The following LHFPL6 variants were observed in gnomAD, a reference collection of about 807,000 sequenced individuals.
LHFPL6 encodes the protein LHFPL tetraspan subfamily member 6.
A neutral mutation model predicts 20.6 loss-of-function variants in LHFPL6; 9 were observed. The observed-to-expected ratio is 0.44, with a 90% CI of 0.26 to 0.76. The LOEUF (loss-of-function observed/expected upper bound fraction) is 0.76. Among genes scored for constraint, LHFPL6 ranks in the 30% least tolerant of loss-of-function variants. LHFPL6 has a pLI of 0.20. For synonymous variants in LHFPL6, 105 were observed against 98.7 expected (o/e 1.06, Z -0.38); for missense variants, 218 against 253.5 (o/e 0.86, Z 0.95).
intron 2 of LHFPL6, among the ~76,000 whole-genome samples, chr13:39,441,683 C>T (rs1872138647): frequency 6.6e-6 from 1 of 151,222 alleles, no homozygotes; most frequent in Admixed American, 6.6e-5. Context: ...CAGCTAATTA[C>T]TGTATTTTTT....
chr13:39,544,109 G>A (rs1870898266), intron 2 of LHFPL6, among the ~76,000 whole-genome samples: 1 of 152,092 alleles, frequency 6.6e-6, no homozygotes, highest in Non-Finnish European at 1.5e-5. Flanking sequence ...GAAAATGAAG[G>A]AAAATAATAT....
At chr13:39,498,246 G>A (rs188952049) in intron 2 of LHFPL6, among the ~76,000 whole-genome samples, 8 of 152,244 alleles carry the variant, frequency 5.3e-5, no homozygotes, top group Admixed American at 4.6e-4. Context: ...CCCTAAGACC[G>A]GACTTACCCC....
At chr13:39,394,082 A>T (rs1870777467) in intron 2 of LHFPL6, among the ~76,000 whole-genome samples, 5 of 152,186 alleles carry the variant, frequency 3.3e-5, no homozygotes, top group South Asian at 2.1e-4. Flanking sequence ...CTGGGACTAC[A>T]GGCATACGCC....
intron 2 of LHFPL6, among the ~76,000 whole-genome samples, chr13:39,569,570 A>G (rs1871848372): frequency 6.6e-6 from 1 of 152,236 alleles, no homozygotes; most frequent in Non-Finnish European, 1.5e-5. Context: ...CTATATCACC[A>G]AGAATAAACG....
chr13:39,491,339 C>T lies in LHFPL6; in HGVS notation c.385+109493G>A, dbSNP rs113254587. Among the ~76,000 whole-genome samples the T allele has an allele frequency of 3.0e-4, 45 of 152,236 alleles. 1 individual carries two copies. Among genetic ancestry groups the T allele is most frequent in the South Asian group, 1.7e-3 (8 of 4,814 alleles). ...AGCTGGGTTCGCGTAAGGGATAACT[C>T]AGAGGCAAGAAAGAGCGGAGGGAGC... On this transcript the variant is annotated intron_variant, in intron 2 of 3. Transcript: ENST00000379589.
intron 2 of LHFPL6, among the ~76,000 whole-genome samples, chr13:39,588,741 C>G (rs573784295): frequency 6.6e-6 from 1 of 152,274 alleles, no homozygotes; most frequent in Non-Finnish European, 1.5e-5. Context: ...AAGGTCACAT[C>G]TTGTAGATAG....
intron 2 of LHFPL6, among the ~76,000 whole-genome samples, chr13:39,467,456 C>T (rs550372818): frequency 2.6e-5 from 4 of 152,216 alleles, no homozygotes; most frequent in East Asian, 3.9e-4. Context: ...TGAAATATGG[C>T]CCTCTGACAT....
chr13:39,478,078 T>C (rs977911177), intron 2 of LHFPL6, among the ~76,000 whole-genome samples: 2 of 152,172 alleles, frequency 1.3e-5, no homozygotes, highest in African/African-American at 4.8e-5. Flanking sequence ...GTCCTCTCAT[T>C]TACAAAATCA....
rs142939262 is a variant in LHFPL6, at chr13:39,351,609, A to G, written c.485-7555T>C. On this transcript the variant is annotated intron_variant, in intron 3 of 3. Transcript: ENST00000379589. ...GACTACATGCTGTTAAAGTGAACTA[A>G]ATATGTCCTGGGAATAACTCTGTAC... 6.6e-3 allele frequency among the ~76,000 whole-genome samples: 1,005 copies of G among 152,306 alleles called. 9 individuals carry two copies. The highest frequency in any genetic ancestry group is 0.023 in the African/African-American group (976 of 41,558).
At chr13:39,589,179 T>C (rs887783474) in intron 2 of LHFPL6, among the ~76,000 whole-genome samples, 1 of 152,196 alleles carries the variant, frequency 6.6e-6, no homozygotes, top group African/African-American at 2.4e-5. Flanking sequence ...CCACCTCGGT[T>C]CACTGCAGCC....
chr13:39,498,178 T>C (rs376317688), intron 2 of LHFPL6, among the ~76,000 whole-genome samples: 2 of 152,188 alleles, frequency 1.3e-5, no homozygotes, highest in South Asian at 4.1e-4. Context: ...CCCAAACCAC[T>C]CCACAAAAAG....
rs114849609 is a variant in LHFPL6, at chr13:39,385,267, T to G, written c.386-6741A>C. Among the ~76,000 whole-genome samples the G allele has an allele frequency of 9.1e-3, 1,392 of 152,298 alleles. 17 individuals carry two copies. Among genetic ancestry groups the G allele is most frequent in the South Asian group, 0.029 (141 of 4,826 alleles). ...TTGATAATTCTTAAATTTGAAAAAGTTCATTTTAATAATGCATTGACTACT... is the reference window on the plus strand; with the variant it reads ...TTGATAATTCTTAAATTTGAAAAAGGTCATTTTAATAATGCATTGACTACT... On this transcript the variant is annotated intron_variant, in intron 2 of 3. Coordinates refer to ENST00000379589, the MANE Select transcript of LHFPL6 (RefSeq NM_005780.3).
chr13:39,511,703 A>C (rs754303963), intron 2 of LHFPL6, among the ~76,000 whole-genome samples: 1 of 152,210 alleles, frequency 6.6e-6, no homozygotes, highest in Non-Finnish European at 1.5e-5. Context: ...ATCAATCACC[A>C]ATTTAAAGTC....
chr13:39,518,282 C>T (rs1442068233), intron 2 of LHFPL6, among the ~76,000 whole-genome samples: 1 of 152,132 alleles, frequency 6.6e-6, no homozygotes, highest in Non-Finnish European at 1.5e-5. Flanking sequence ...TTAGTTTTCC[C>T]AGATCCCAAA....
chr13:39,406,996 C>T (rs1402622881), intron 2 of LHFPL6, among the ~76,000 whole-genome samples: 1 of 152,196 alleles, frequency 6.6e-6, no homozygotes, highest in Non-Finnish European at 1.5e-5. Flanking sequence ...AGTCATTAAA[C>T]CAACATGGGT....
chr13:39,358,999 C>T (rs1869804330), intron 3 of LHFPL6, among the ~76,000 whole-genome samples: 1 of 152,050 alleles, frequency 6.6e-6, no homozygotes, highest in Admixed American at 6.6e-5. Flanking sequence ...GGTGAAACCC[C>T]ATCTCTACTA....
chr13:39,441,137 A>AT (rs57695621), intron 2 of LHFPL6, among the ~76,000 whole-genome samples: 3,580 of 91,472 alleles, frequency 0.039, 279 homozygotes, highest in Non-Finnish European at 0.055. Flanking sequence ...ATGCCAACTA[A>AT]TTTTTTTTTT....
chr13:39,472,170 C>T (rs1872965193), intron 2 of LHFPL6, among the ~76,000 whole-genome samples: 1 of 152,166 alleles, frequency 6.6e-6, no homozygotes, highest in South Asian at 2.1e-4. Flanking sequence ...ATGCCTTCTC[C>T]TTGTGGCTGA....
intron 1 of LHFPL6, among the ~76,000 whole-genome samples, chr13:39,602,502 G>C (rs1165149484): frequency 6.6e-6 from 1 of 152,168 alleles, no homozygotes; most frequent in East Asian, 1.9e-4. Context: ...GACCAGCAGG[G>C]GGTGGCCTGC....
Sources: gnomAD v4.1 joint callset for allele counts (sites outside exome capture counted in the v4.1 genomes callset) on GRCh38, gnomAD v4.1.1 for gene constraint, MANE v1.5 for transcripts, NCBI Gene and HGNC (gene_info 2026-07-23, HGNC 2026-07-21) for gene names.